LRRIQ3: variants seen among roughly 807,000 people sequenced by gnomAD.
LRRIQ3 encodes leucine-rich repeat and IQ domain-containing protein 3.
LRRIQ3 carries 75 observed loss-of-function variants against 59.3 expected under a neutral mutation model. The ratio of observed to expected loss-of-function variants is 1.26; its 90% CI spans 1.05 to 1.53. The LOEUF is 1.53. LRRIQ3 is among the 40% of genes most tolerant of loss of function. The probability of loss-of-function intolerance (pLI) is 0.00; values close to 1 mark genes in which losing one functional copy is unlikely to be tolerated. For synonymous variants in LRRIQ3, 250 were observed against 231.3 expected (o/e 1.08, Z -0.73); for missense variants, 831 against 710.0 (o/e 1.17, Z -1.94).
intron 3 of LRRIQ3, among the ~76,000 whole-genome samples, chr1:74,169,883 C>T: frequency 6.6e-6 from 1 of 152,098 alleles, no homozygotes. Flanking sequence ...ATGGTATCTC[C>T]TCATTCTTTG....
intron 4 of LRRIQ3, among the ~76,000 whole-genome samples, chr1:74,115,716 T>C (rs1021349432): frequency 9.9e-5 from 15 of 151,968 alleles, no homozygotes; most frequent in Admixed American, 5.9e-4. Flanking sequence ...TTTCCAAGAA[T>C]AAAGGCTAAA....
intron 5 of LRRIQ3, among the ~76,000 whole-genome samples, chr1:74,097,757 TC>T (rs1646468636): frequency 6.6e-6 from 1 of 152,156 alleles, no homozygotes; most frequent in Non-Finnish European, 1.5e-5. Context: ...TATTCAACAT[TC>T]TTAAAGAAAA....
At chr1:74,029,835 T>A (rs1251968171) in intron 7 of LRRIQ3, among the ~76,000 whole-genome samples, 3 of 152,114 alleles carry the variant, frequency 2.0e-5, no homozygotes, top group Admixed American at 2.0e-4. Flanking sequence ...TCCTGGACTT[T>A]TTTTGGTTGG....
chr1:74,143,822 C>T (rs1647384155), intron 4 of LRRIQ3, among the ~76,000 whole-genome samples: 1 of 151,352 alleles, frequency 6.6e-6, no homozygotes, highest in Non-Finnish European at 1.5e-5. Flanking sequence ...AGATGTATTA[C>T]TAAAAAGTTG....
At position 74,198,167 on chromosome 1, in the gene LRRIQ3, G is replaced by C. The variant is rs77030123; in HGVS notation, c.-172C>G. ...CCGGGCGCCAGCCAAGGCGCTCCGGGGGCGTGGTTACGTGGGCGACGCACG... is the reference window on the plus strand; with the variant it reads ...CCGGGCGCCAGCCAAGGCGCTCCGGCGGCGTGGTTACGTGGGCGACGCACG... On this transcript the variant is annotated 5_prime_UTR_variant, in exon 1 of 8. Transcript: ENST00000354431. The C allele has an allele frequency of 4.8e-3, 7,266 of 1,522,106 alleles. 300 individuals are homozygous for C. In the African/African-American group the frequency reaches 0.089, roughly 19 times the overall value. 94.3% of individuals were successfully genotyped at this position (1,522,106 alleles called of 1,614,324 possible).
At chr1:74,165,835 T>A (rs898286982) in intron 3 of LRRIQ3, among the ~76,000 whole-genome samples, 36 of 151,262 alleles carry the variant, frequency 2.4e-4, no homozygotes, top group African/African-American at 7.8e-4. Context: ...TGGTATGACA[T>A]CTCTTCTTTA....
At chr1:74,193,510 T>C (rs1650906355) in intron 1 of LRRIQ3, among the ~76,000 whole-genome samples, 4 of 152,176 alleles carry the variant, frequency 2.6e-5, no homozygotes. Context: ...TATACAAGGT[T>C]ATAACTCATG....
intron 3 of LRRIQ3, among the ~76,000 whole-genome samples, chr1:74,157,022 A>C (rs1648374419): frequency 6.6e-6 from 1 of 152,144 alleles, no homozygotes; most frequent in African/African-American, 2.4e-5. Context: ...GGAAACAAAA[A>C]AAAAATCACA....
rs771668842 is a variant in LRRIQ3, at chr1:74,155,753, G to A, written c.687C>T (p.Phe229=). Residue 229 remains phenylalanine (F), a synonymous_variant, in exon 4 of 8, where the codon TTC becomes TTT. Coordinates refer to ENST00000354431, the MANE Select transcript of LRRIQ3 (RefSeq NM_001105659.2). ...VLIVQRWIRG[F]LVRKNLSPVF... is the part of the protein sequence containing the mutation. The stretch of plus-strand genomic sequence containing the variant: ...CATACCTCAAATTTTTTCTAACTAA[G>A]AAACCACGTATCCATCTTTGAACAA... The A allele has an allele frequency of 2.1e-5, 33 of 1,568,118 alleles. No homozygotes were observed. The highest frequency in any genetic ancestry group is 2.7e-5 in the Non-Finnish European group (31 of 1,165,756).
At chr1:74,036,597 G>T (rs1201814401) in intron 7 of LRRIQ3, among the ~76,000 whole-genome samples, 4 of 152,058 alleles carry the variant, frequency 2.6e-5, no homozygotes, top group Non-Finnish European at 5.9e-5. Flanking sequence ...AATTTTAATT[G>T]TCTATTCGTA....
chr1:74,076,132 A>G (rs1365464328), intron 5 of LRRIQ3, among the ~76,000 whole-genome samples: 1 of 152,128 alleles, frequency 6.6e-6, no homozygotes, highest in African/African-American at 2.4e-5. Context: ...TCCATCAGAG[A>G]AAAAGTTCAG....
At chr1:74,085,298 T>C (rs963418101) in intron 5 of LRRIQ3, among the ~76,000 whole-genome samples, 1 of 145,238 alleles carries the variant, frequency 6.9e-6, no homozygotes, top group African/African-American at 2.5e-5. Context: ...CCTATGTGCG[T>C]ATCACTATGC....
chr1:74,139,732 T>C (rs1036412309), intron 4 of LRRIQ3, among the ~76,000 whole-genome samples: 3 of 151,936 alleles, frequency 2.0e-5, no homozygotes, highest in Non-Finnish European at 2.9e-5. Flanking sequence ...AATATTAATG[T>C]CTTATTATAA....
intron 3 of LRRIQ3, among the ~76,000 whole-genome samples, chr1:74,172,628 T>C (rs747656220): frequency 6.6e-6 from 1 of 152,204 alleles, no homozygotes; most frequent in Non-Finnish European, 1.5e-5. Context: ...CTGTTCCCTA[T>C]CAATTTACTT....
chr1:74,039,999 A>T (rs1215018724), intron 7 of LRRIQ3, among the ~76,000 whole-genome samples: 1 of 152,240 alleles, frequency 6.6e-6, no homozygotes, highest in Non-Finnish European at 1.5e-5. Flanking sequence ...GGCAAATAGT[A>T]TAAAGAGCCA....
chr1:74,145,651 C>T (rs1262084775), intron 4 of LRRIQ3, among the ~76,000 whole-genome samples: 2 of 151,994 alleles, frequency 1.3e-5, no homozygotes, highest in African/African-American at 4.8e-5. Flanking sequence ...GGCCTACAAT[C>T]CAAATTTGAA....
At chr1:74,047,242 C>T (rs889494786) in intron 6 of LRRIQ3, among the ~76,000 whole-genome samples, 1 of 152,088 alleles carries the variant, frequency 6.6e-6, no homozygotes, top group African/African-American at 2.4e-5. Context: ...CACATATACA[C>T]CACAGAATAC....
intron 5 of LRRIQ3, among the ~76,000 whole-genome samples, chr1:74,089,354 C>T (rs996095324): frequency 2.0e-5 from 3 of 151,938 alleles, no homozygotes; most frequent in Non-Finnish European, 4.4e-5. Context: ...GCAATTTGTA[C>T]ATGGATGTTT....
intron 6 of LRRIQ3, among the ~76,000 whole-genome samples, chr1:74,073,175 A>G (rs1199209590): frequency 2.6e-5 from 4 of 152,052 alleles, no homozygotes; most frequent in African/African-American, 9.7e-5. Flanking sequence ...GCCACCGTTG[A>G]TATCTATGTT....
Sources: gnomAD v4.1 joint callset for allele counts (sites outside exome capture counted in the v4.1 genomes callset) on GRCh38, gnomAD v4.1.1 for gene constraint, MANE v1.5 for transcripts, NCBI Gene and HGNC (gene_info 2026-07-23, HGNC 2026-07-21) for gene names.